JAK1: variants seen among roughly 807,000 people sequenced by gnomAD.
JAK1 encodes Janus kinase 1, also known as tyrosine-protein kinase JAK1.
Under a neutral mutation model 136.6 loss-of-function variants are expected in JAK1, and 16 were observed. The observed-to-expected ratio is 0.12, with a 90% CI of 0.08 to 0.18. The LOEUF (loss-of-function observed/expected upper bound fraction) is 0.18, where lower values mean the gene tolerates loss of function less well. Among genes scored for constraint, JAK1 ranks in the 10% least tolerant of loss-of-function variants. JAK1 has a pLI of 1.00. For synonymous variants in JAK1, 492 were observed against 519.5 expected (o/e 0.95, Z 0.72); for missense variants, 859 against 1,450.1 (o/e 0.59, Z 6.62).
chr1:64,901,019 T>G (rs944865022), intron 1 of JAK1, among the ~76,000 whole-genome samples: 6 of 152,184 alleles, frequency 3.9e-5, no homozygotes, highest in African/African-American at 1.2e-4. Flanking sequence ...TGTGCTTACC[T>G]TTGGAGTAGC....
chr1:65,002,540 CTG>C (rs1476811907), intron 2 of JAK1: 1 of 152,296 alleles, frequency 6.6e-6, no homozygotes, highest in East Asian at 1.9e-4. Context: ...TAAGTGATGA[CTG>C]TGACCAAACT....
chr1:64,938,345 T>G (rs1645828632), intron 1 of JAK1, among the ~76,000 whole-genome samples: 1 of 152,326 alleles, frequency 6.6e-6, no homozygotes, highest in African/African-American at 2.4e-5. Flanking sequence ...TTTCAATGAC[T>G]GCCCCAGTAA....
At chr1:64,845,977 C>A (rs1011428794) in intron 14 of JAK1, among the ~76,000 whole-genome samples, 2 of 152,270 alleles carry the variant, frequency 1.3e-5, no homozygotes, top group Non-Finnish European at 2.9e-5. Flanking sequence ...GCCACCACTG[C>A]TGCTGTTCTA....
At chr1:64,885,792 T>C (rs1412248293) in intron 2 of JAK1, among the ~76,000 whole-genome samples, 4 of 149,758 alleles carry the variant, frequency 2.7e-5, no homozygotes, top group African/African-American at 7.3e-5. Context: ...CAACTGACAA[T>C]GTCCAGTAGG....
Position 65,065,940 on chromosome 1 carries a change from G to A in JAK1, c.-181+1664C>T, listed in dbSNP as rs1450937292. Among the ~76,000 whole-genome samples the A allele has an allele frequency of 2.6e-5, 4 of 152,008 alleles. No homozygotes were observed. The East Asian group carries it at 5.8e-4, about 22-fold the overall frequency. Reference sequence around the variant, plus strand: ...CTGGTTGGTGGGGGACAGGTCCAGAGGGAAGAGAAAATCCCAAAACATCTG... The same window carrying A: ...CTGGTTGGTGGGGGACAGGTCCAGAAGGAAGAGAAAATCCCAAAACATCTG... On this transcript the variant is annotated intron_variant, in intron 1 of 25. Transcript: ENST00000671954.
intron 1 of JAK1, among the ~76,000 whole-genome samples, chr1:64,896,191 C>A (rs1467080935): frequency 6.6e-6 from 1 of 152,208 alleles, no homozygotes; most frequent in Admixed American, 6.5e-5. Flanking sequence ...CTCAATGACA[C>A]TTTTTTGCAT....
chr1:64,973,187 A>AAAAGAAAGAAAG (rs144209441), intron 2 of JAK1: 5 of 147,174 alleles, frequency 3.4e-5, no homozygotes, highest in African/African-American at 1.3e-4. Flanking sequence ...GAAAGAAAGA[A>AAAAGAAAGAAAG]AAAGAAAGAA....
Position 64,975,843 on chromosome 1 carries a change from G to A in JAK1, c.-78+68637C>T, listed in dbSNP as rs541667800. On this transcript the variant is annotated intron_variant, in intron 2 of 25. Coordinates refer to the JAK1 transcript ENST00000671954. ...CCTCCCTAGCGCCATCCACTTCCTC[G>A]GGCTGATGAGGATGGATTCCCCCTG... Among the ~76,000 whole-genome samples, 10 of 152,256 alleles carry A rather than the reference G, an allele frequency of 6.6e-5. No individual in the cohort carries two copies. The East Asian group carries it at 9.7e-4, about 15-fold the overall frequency.
At chr1:65,067,323 C>G (rs2100908681) in intron 1 of JAK1, among the ~76,000 whole-genome samples, 1 of 150,098 alleles carries the variant, frequency 6.7e-6, no homozygotes. Flanking sequence ...CGGGCCGAGC[C>G]CCACGGCTGC....
chr1:65,053,754 G>A (rs1274641764), intron 1 of JAK1, among the ~76,000 whole-genome samples: 2 of 152,206 alleles, frequency 1.3e-5, no homozygotes, highest in African/African-American at 4.8e-5. Flanking sequence ...TCAGGAGGCT[G>A]AGGCTACAAT....
At chr1:64,916,042 A>G (rs1645390620) in intron 1 of JAK1, among the ~76,000 whole-genome samples, 2 of 152,198 alleles carry the variant, frequency 1.3e-5, no homozygotes, top group East Asian at 1.9e-4. Context: ...GAGTTCCCCA[A>G]TGAATGGCTC....
At chr1:65,041,557 T>C (rs1432009119) in intron 2 of JAK1, among the ~76,000 whole-genome samples, 1 of 152,126 alleles carries the variant, frequency 6.6e-6, no homozygotes, top group Non-Finnish European at 1.5e-5. Context: ...ACCCTTATCA[T>C]AGCAAACACA....
At chr1:64,891,592 A>G (rs1644937629) in intron 1 of JAK1, among the ~76,000 whole-genome samples, 1 of 152,166 alleles carries the variant, frequency 6.6e-6, no homozygotes, top group Admixed American at 6.5e-5. Flanking sequence ...CCTACACAAC[A>G]AGCCAGGGAA....
At chr1:64,887,946 C>T (rs1194328416) in intron 1 of JAK1, among the ~76,000 whole-genome samples, 12 of 152,322 alleles carry the variant, frequency 7.9e-5, no homozygotes, top group African/African-American at 2.9e-4. Flanking sequence ...TTGCTAACTG[C>T]ATGTCTGGAG....
intron 2 of JAK1, among the ~76,000 whole-genome samples, chr1:65,017,234 C>T (rs1646898583): frequency 6.6e-6 from 1 of 152,074 alleles, no homozygotes; most frequent in Non-Finnish European, 1.5e-5. Context: ...AGGAGGCCTC[C>T]GAGGCAGGTG....
rs764309403 is a variant in JAK1 at position 64,844,658 on chromosome 1, ACT to A, written c.2251+94_2251+95del. ...TCTACTAAAATACAAAAAAAAAATG[ACT>A]CTCTAAAAGGAGACCAACCCCAGCC... On this transcript the variant is annotated intron_variant, in intron 16 of 24. Transcript: ENST00000342505. This position sits in a 1 kb window ranked among gnomAD's most constrained non-coding sequence, Gnocchi z 5.7. 1.7e-5 allele frequency: 24 copies of A among 1,396,556 alleles called. 5 individuals are homozygous for A. Among genetic ancestry groups the A allele is most frequent in the Admixed American group, 2.0e-5 (1 of 50,296 alleles). The allele number at this position is 1,396,556 out of a possible 1,614,324, so 86.5% of individuals were successfully genotyped here.
intron 2 of JAK1, chr1:64,994,974 A>AAAAAACAAAAAAAAAC (rs1553179507): frequency 6.6e-6 from 1 of 151,526 alleles, no homozygotes; most frequent in African/African-American, 2.4e-5. Flanking sequence ...AAAAAAAAAA[A>AAAAAACAAAAAAAAAC]AAAAAAACCT....
At chr1:64,903,029 G>C (rs186439404) in intron 1 of JAK1, among the ~76,000 whole-genome samples, 1 of 152,026 alleles carries the variant, frequency 6.6e-6, no homozygotes, top group Admixed American at 6.6e-5. Flanking sequence ...TGCCAACATG[G>C]TTGGTAAGGA....
chr1:64,958,234 G>T (rs1279519121), intron 1 of JAK1, among the ~76,000 whole-genome samples: 1 of 152,146 alleles, frequency 6.6e-6, no homozygotes, highest in Non-Finnish European at 1.5e-5. Flanking sequence ...CATCAAGTGG[G>T]CTTACAATTT....
Sources: allele counts gnomAD v4.1 joint callset (sites outside exome capture counted in the v4.1 genomes callset), GRCh38; gene constraint gnomAD v4.1.1; non-coding constraint Gnocchi (gnomAD v3.1); transcripts MANE v1.5; gene names NCBI Gene and HGNC (gene_info 2026-07-23, HGNC 2026-07-21).